The following STAG1 variants were observed in gnomAD, a reference collection of about 807,000 sequenced individuals.
The protein encoded by STAG1 is cohesin subunit SA-1.
A neutral mutation model predicts 170.9 loss-of-function variants in STAG1; 26 were observed. The ratio of observed to expected loss-of-function variants is 0.15; its 90% CI spans 0.11 to 0.21. STAG1 has a LOEUF of 0.21. STAG1 is among the 10% of genes least tolerant of loss of function. The pLI, the probability that STAG1 is intolerant of heterozygous loss-of-function variation, is 1.00. For missense variants in STAG1, 964 were observed against 1,509.5 expected, an observed-to-expected ratio of 0.64 and a Z score of 5.99; for synonymous variants, 514 against 497.7, an observed-to-expected ratio of 1.03 and a Z score of -0.44.
intron 1 of STAG1, among the ~76,000 whole-genome samples, chr3:136,693,026 A>G (rs1942776862): frequency 6.6e-6 from 1 of 152,228 alleles, no homozygotes; most frequent in Non-Finnish European, 1.5e-5. Context: ...GCATGACTGG[A>G]AGAGTCCAGT....
chr3:136,599,136 T>C (rs976420962), intron 4 of STAG1, among the ~76,000 whole-genome samples: 4 of 152,188 alleles, frequency 2.6e-5, no homozygotes, highest in Admixed American at 2.0e-4. Context: ...TGCATGTGTA[T>C]GTTCATTGCA....
intron 1 of STAG1, among the ~76,000 whole-genome samples, chr3:136,691,993 C>A (rs1174649757): frequency 6.6e-6 from 1 of 152,150 alleles, no homozygotes; most frequent in Non-Finnish European, 1.5e-5. Flanking sequence ...CTGGTTTGAA[C>A]AACAAGGATA....
chr3:136,637,080 ATTT>A (rs1940593705), intron 1 of STAG1, among the ~76,000 whole-genome samples: 1 of 152,172 alleles, frequency 6.6e-6, no homozygotes, highest in African/African-American at 2.4e-5. Context: ...CAAGCAATCT[ATTT>A]TTCTTTCCCT....
At chr3:136,509,127 T>C (rs1933924735) in intron 7 of STAG1, among the ~76,000 whole-genome samples, 4 of 152,366 alleles carry the variant, frequency 2.6e-5, no homozygotes, top group East Asian at 1.9e-4. Context: ...AGTACAAGCA[T>C]TGGCCTTAGA....
At chr3:136,704,697 C>T (rs1417290517) in intron 1 of STAG1, among the ~76,000 whole-genome samples, 3 of 151,576 alleles carry the variant, frequency 2.0e-5, no homozygotes, top group Admixed American at 2.0e-4. Context: ...GGCGTGGTGG[C>T]ATGCATCTGT....
At chr3:136,387,530 C>A (rs1310404635) in intron 22 of STAG1, among the ~76,000 whole-genome samples, 1 of 152,106 alleles carries the variant, frequency 6.6e-6, no homozygotes, top group African/African-American at 2.4e-5. Context: ...AAGAACAAGA[C>A]ACAAAAGGCC....
chr3:136,361,731 C>T (rs190372083), intron 26 of STAG1, among the ~76,000 whole-genome samples: 96 of 152,246 alleles, frequency 6.3e-4, no homozygotes, highest in African/African-American at 2.3e-3. Context: ...TCACTTTACC[C>T]TCCCGAGTAG....
chr3:136,527,830 T>A (rs771496447), intron 6 of STAG1, among the ~76,000 whole-genome samples: 5 of 152,168 alleles, frequency 3.3e-5, no homozygotes, highest in Non-Finnish European at 7.3e-5. Flanking sequence ...GCAGGTCTGT[T>A]GGAGTTTGCT....
chr3:136,421,166 A>G lies in STAG1; in HGVS notation c.2038-3T>C. On this transcript the variant is annotated splice_polypyrimidine_tract_variant and splice_region_variant and intron_variant, in intron 19 of 33. Transcript: ENST00000383202. The stretch of plus-strand genomic sequence containing the variant: ...TCATCATCATCAGCTTCTTCTCCCT[A>G]TAAAAAAAGGAAACATCACATCATT... The G allele has an allele frequency of 6.2e-7, 1 of 1,600,564 alleles. No individual in the cohort carries two copies. Among genetic ancestry groups the G allele is most frequent in the Non-Finnish European group, 8.5e-7 (1 of 1,172,430 alleles).
At chr3:136,434,051 A>C (rs2088385668) in intron 15 of STAG1, among the ~76,000 whole-genome samples, 1 of 152,178 alleles carries the variant, frequency 6.6e-6, no homozygotes, top group African/African-American at 2.4e-5. Flanking sequence ...TACACACATA[A>C]TAATTATCTT....
intron 15 of STAG1, among the ~76,000 whole-genome samples, chr3:136,442,756 T>C (rs2107761750): frequency 6.6e-6 from 1 of 152,316 alleles, no homozygotes; most frequent in East Asian, 1.9e-4. Flanking sequence ...AGAAAACCTT[T>C]TGGCCAGGTG....
chr3:136,556,551 C>T (rs545587969), intron 5 of STAG1, among the ~76,000 whole-genome samples: 15 of 151,810 alleles, frequency 9.9e-5, no homozygotes, highest in African/African-American at 3.4e-4. Flanking sequence ...GACGAGTTTG[C>T]TGATAGAACT....
intron 1 of STAG1, among the ~76,000 whole-genome samples, chr3:136,650,850 T>C (rs1941193331): frequency 6.6e-6 from 1 of 151,366 alleles, no homozygotes; most frequent in Non-Finnish European, 1.5e-5. Flanking sequence ...CAACTGAATG[T>C]GGTGGCCTAA....
Position 136,570,696 on chromosome 3 carries a change from C to A in STAG1, c.298-1835G>T, listed in dbSNP as rs566407441. Among the ~76,000 whole-genome samples, 10 of 152,324 alleles carry A rather than the reference C, an allele frequency of 6.6e-5. No homozygotes were observed. In the South Asian group the frequency reaches 2.1e-3, roughly 32 times the overall value. The stretch of plus-strand genomic sequence containing the variant: ...TGTGAGATTTTCAGATGCTCTACAT[C>A]CTCACCCAAGACTAGGTACTGTCAG... On this transcript the variant is annotated intron_variant, in intron 4 of 33. Transcript: ENST00000383202.
chr3:136,518,748 T>G (rs60014495), intron 7 of STAG1, among the ~76,000 whole-genome samples: 12,142 of 152,160 alleles, frequency 0.08, 505 homozygotes, highest in Non-Finnish European at 0.094. Context: ...TGTTAATTTG[T>G]TTTTTTGATA....
chr3:136,657,359 T>C (rs1005299606), intron 1 of STAG1, among the ~76,000 whole-genome samples: 1 of 151,948 alleles, frequency 6.6e-6, no homozygotes, highest in African/African-American at 2.4e-5. Flanking sequence ...CCACCACGCC[T>C]AGCTAATTTT....
Position 136,723,343 on chromosome 3 carries a change from C to T in STAG1, c.-84+28852G>A, listed in dbSNP as rs539753948. On this transcript the variant is annotated intron_variant, in intron 1 of 33. Transcript: ENST00000383202. ...GATGTGGGGAGCGCCTCTGCCCCGCCGCCCCGTCTGGGATGTGAGGAGCAC... is the reference window on the plus strand; with the variant it reads ...GATGTGGGGAGCGCCTCTGCCCCGCTGCCCCGTCTGGGATGTGAGGAGCAC... 2.6e-3 allele frequency among the ~76,000 whole-genome samples: 388 copies of T among 149,936 alleles called. 1 individual carries two copies. Among genetic ancestry groups the T allele is most frequent in the African/African-American group, 6.6e-3 (268 of 40,666 alleles).
At chr3:136,452,999 A>G (rs1036499463) in intron 13 of STAG1, among the ~76,000 whole-genome samples, 1 of 152,142 alleles carries the variant, frequency 6.6e-6, no homozygotes, top group African/African-American at 2.4e-5. Flanking sequence ...CATGTTGGCC[A>G]GGCTGGTCTC....
chr3:136,716,640 C>T (rs1943548426), intron 1 of STAG1, among the ~76,000 whole-genome samples: 2 of 152,292 alleles, frequency 1.3e-5, no homozygotes, highest in East Asian at 1.9e-4. Flanking sequence ...AAGTGAGACC[C>T]TGTCTCTTTA....
Sources: allele counts gnomAD v4.1 joint callset (sites outside exome capture counted in the v4.1 genomes callset), GRCh38; gene constraint gnomAD v4.1.1; transcripts MANE v1.5; gene names NCBI Gene and HGNC (gene_info 2026-07-23, HGNC 2026-07-21).